SLC22A12: variants seen among roughly 807,000 people sequenced by gnomAD.
SLC22A12 encodes the protein solute carrier family 22 member 12, also known as organic anion transporter 4-like protein.
Under a neutral mutation model 52.7 loss-of-function variants are expected in SLC22A12, and 56 were observed. The observed-to-expected ratio is 1.06, with a 90% CI of 0.86 to 1.33. SLC22A12 has a LOEUF of 1.33. Among genes scored for constraint, SLC22A12 ranks in the 40% most tolerant of loss-of-function variants. The pLI, the probability that SLC22A12 is intolerant of heterozygous loss-of-function variation, is 0.00. For synonymous variants in SLC22A12, 337 were observed against 324.6 expected (o/e 1.04, Z -0.41); for missense variants, 683 against 741.5 (o/e 0.92, Z 0.92).
intron 4 of SLC22A12, among the ~76,000 whole-genome samples, chr11:64,595,177 A>G (rs1237298468): frequency 7.3e-6 from 1 of 136,100 alleles, no homozygotes; most frequent in Admixed American, 7.3e-5. Context: ...GGATGGATGG[A>G]TGGATGGATG....
At chr11:64,594,150 T>C (rs2039011228) in intron 4 of SLC22A12, among the ~76,000 whole-genome samples, 1 of 152,222 alleles carries the variant, frequency 6.6e-6, no homozygotes, top group Admixed American at 6.5e-5. Context: ...GAGCCCCTCC[T>C]CTGTGTGTGC....
Position 64,591,901 on chromosome 11 carries a change from G to T in SLC22A12, c.345G>T (p.Pro115=). The change falls in exon 1 of 10, where the codon CCG becomes CCT. Residue 115 remains proline, a synonymous_variant. Transcript: ENST00000377574. ...ATSWSEADTE[P]CVDGWVYDRS... ...GCTGGAGCGAGGCCGACACGGAGCCGTGTGTGGATGGCTGGGTCTATGACC... is the reference window on the plus strand; with the variant it reads ...GCTGGAGCGAGGCCGACACGGAGCCTTGTGTGGATGGCTGGGTCTATGACC... 6.2e-7 allele frequency: 1 copy of T among 1,612,618 alleles called. No homozygotes were observed. Among genetic ancestry groups the T allele is most frequent in the Non-Finnish European group, 8.5e-7 (1 of 1,180,018 alleles).
chr11:64,592,534 G>C (rs2038952479), intron 1 of SLC22A12, among the ~76,000 whole-genome samples: 1 of 152,170 alleles, frequency 6.6e-6, no homozygotes, highest in South Asian at 2.1e-4. Flanking sequence ...GATGTGGCTA[G>C]AGACCCATTG....
Position 64,600,734 on chromosome 11 carries a change from G to A in SLC22A12, c.1395-1G>A. 6.2e-7 allele frequency: 1 copy of A among 1,604,644 alleles called. No homozygotes were observed. Among genetic ancestry groups the A allele is most frequent in the Non-Finnish European group, 8.5e-7 (1 of 1,179,900 alleles). ...GCTTATAGGTGCATCTGCATTGGCA[G>A]GATGACGGCAGTGGGCTTGGGCCAG... On this transcript the variant is annotated splice_acceptor_variant, in intron 8 of 9. Coordinates refer to ENST00000377574, the MANE Select transcript of SLC22A12 (RefSeq NM_144585.4). LOFTEE classifies it high-confidence loss of function.
chr11:64,595,019 ATGGTTGGAATAG>A (rs2039071472), intron 4 of SLC22A12, among the ~76,000 whole-genome samples: 1 of 69,802 alleles, frequency 1.4e-5, no homozygotes, highest in Non-Finnish European at 3.6e-5. Flanking sequence ...GGATGGATGG[ATGGTTGGAATAG>A]ATGGATGGAT....
chr11:64,601,955 T>C lies in SLC22A12; in HGVS notation c.*404T>C. On this transcript the variant is annotated 3_prime_UTR_variant, in exon 10 of 10. Transcript: ENST00000377574. Reference sequence around the variant, plus strand: ...CTAACCACCATCCATGGTCAAGACCTCTCCTAGCTCCACACAAGCAGTAGA... The same window carrying C: ...CTAACCACCATCCATGGTCAAGACCCCTCCTAGCTCCACACAAGCAGTAGA... 1 of 322,652 alleles carries C rather than the reference T, an allele frequency of 3.1e-6. No homozygotes were observed. The allele number at this position is 322,652 out of a possible 1,614,324, so 20.0% of individuals were successfully genotyped here. A position where few individuals can be genotyped will look rare whatever the true frequency, so the allele number is the denominator to read the frequency against.
At position 64,600,179 on chromosome 11, in the gene SLC22A12, G is replaced by A. The variant is rs2022050; in HGVS notation, c.1286-188G>A. On this transcript the variant is annotated intron_variant, in intron 7 of 9. Transcript: ENST00000377574. ...AAGGACTCCTCGGGGCTGGCTCTGGGTGTCTGAGCGTGGAGCAGATTGTGG... is the reference window on the plus strand; with the variant it reads ...AAGGACTCCTCGGGGCTGGCTCTGGATGTCTGAGCGTGGAGCAGATTGTGG... Among the ~76,000 whole-genome samples, 18,353 of 152,274 alleles carry A rather than the reference G, an allele frequency of 0.12. 1,448 individuals carry two copies. Among genetic ancestry groups the A allele is most frequent in the Non-Finnish European group, 0.16 (11,005 of 68,002 alleles).
chr11:64,601,734 C>T lies in SLC22A12; in HGVS notation c.*183C>T, dbSNP rs2039460924. On this transcript the variant is annotated 3_prime_UTR_variant, in exon 10 of 10. Transcript: ENST00000377574. ...GCCCCTCTCACAGTCCAAGGGGCCC[C>T]CTTCAATACTGAAGGGGAAAAGGAC... The T allele has an allele frequency of 1.6e-6, 1 of 645,090 alleles. No individual in the cohort carries two copies. The highest frequency in any genetic ancestry group is 1.8e-5 in the African/African-American group (1 of 54,598). 40.0% of individuals were successfully genotyped at this position (645,090 alleles called of 1,614,324 possible).
intron 4 of SLC22A12, among the ~76,000 whole-genome samples, chr11:64,597,680 T>C (rs1405336212): frequency 1.3e-5 from 2 of 152,062 alleles, no homozygotes; most frequent in Non-Finnish European, 2.9e-5. Context: ...TGGCTGCTCA[T>C]AGGGGACAAC....
chr11:64,599,007 G>T lies in SLC22A12; in HGVS notation c.1070+84G>T, dbSNP rs556564311. ...TGGCACACGGCCCCGGCCTCTGCTG[G>T]CTCCGCTTGGTCCCACTGGCCTGCA... On this transcript the variant is annotated intron_variant, in intron 6 of 9. Coordinates refer to ENST00000377574, the MANE Select transcript of SLC22A12 (RefSeq NM_144585.4). 24 of 1,541,728 alleles carry T rather than the reference G, an allele frequency of 1.6e-5. No individual in the cohort carries two copies. The Admixed American group carries it at 3.4e-4, about 22-fold the overall frequency.
chr11:64,601,821 A>C lies in SLC22A12; in HGVS notation c.*270A>C. The C allele has an allele frequency of 2.2e-6, 1 of 458,678 alleles. No homozygotes were observed. The highest frequency in any genetic ancestry group is 4.0e-6 in the Non-Finnish European group (1 of 247,794). 28.4% of individuals were successfully genotyped at this position (458,678 alleles called of 1,614,324 possible). ...CCCTGCCCTGCCCTCGTGGCTTCGG[A>C]GAGCAGAGGGGTCAGGCCCAGGGGA... On this transcript the variant is annotated 3_prime_UTR_variant, in exon 10 of 10. Transcript: ENST00000377574.
Position 64,600,905 on chromosome 11 carries a change from C to T in SLC22A12, c.1565C>T (p.Pro522Leu), listed in dbSNP as rs750387152. The change falls in exon 9 of 10, where the codon CCG becomes CTG. Residue 522 changes from proline to leucine, a missense_variant. Physicochemically the swap from Pro to Leu is moderately conservative, Grantham distance 98. Coordinates refer to ENST00000377574, the MANE Select transcript of SLC22A12 (RefSeq NM_144585.4). The part of the protein sequence containing the change: ...ALLLPETQSL[P>L]LPDTIQDVQN... Reference sequence around the variant, plus strand: ...CTTCTGCCCGAGACCCAGAGCTTGCCGCTGCCCGACACCATCCAAGATGTG... The same window carrying T: ...CTTCTGCCCGAGACCCAGAGCTTGCTGCTGCCCGACACCATCCAAGATGTG... 16 of 1,609,424 alleles carry T rather than the reference C, an allele frequency of 9.9e-6. No homozygotes were observed. Among genetic ancestry groups the T allele is most frequent in the Admixed American group, 3.3e-5 (2 of 60,010 alleles).
At chr11:64,596,018 GA>G in intron 4 of SLC22A12, among the ~76,000 whole-genome samples, 1 of 149,074 alleles carries the variant, frequency 6.7e-6, no homozygotes, top group Non-Finnish European at 1.5e-5. Flanking sequence ...TGGATGGATG[GA>G]TGGAATGGAT....
chr11:64,597,089 A>T (rs1294455756), intron 4 of SLC22A12, among the ~76,000 whole-genome samples: 1 of 152,114 alleles, frequency 6.6e-6, no homozygotes. Context: ...TTGACGAACA[A>T]CCTGGGGTAT....
chr11:64,594,458 G>A (rs1278243195), intron 4 of SLC22A12, among the ~76,000 whole-genome samples: 3 of 151,914 alleles, frequency 2.0e-5, no homozygotes, highest in African/African-American at 7.3e-5. Context: ...TTGAATGGAT[G>A]AATTGTTAGG....
At chr11:64,598,404 G>T (rs1008096610) in intron 4 of SLC22A12, 112 bp from the exon 5 acceptor site, 2 of 1,478,424 alleles carry the variant, frequency 1.4e-6, no homozygotes, top group Non-Finnish European at 1.8e-6. Flanking sequence ...GTCCTCAGCC[G>T]CCCTAAGCCT....
chr11:64,598,770 G>C (rs368284669), intron 5 of SLC22A12, 38 bp from the exon 6 acceptor site: 1 of 1,610,774 alleles, frequency 6.2e-7, no homozygotes, highest in Non-Finnish European at 8.5e-7. Flanking sequence ...GGTGCCTGGC[G>C]CCCCCAGTGC....
chr11:64,594,975 ATGGATGGATGGG>A (rs1256148783), intron 4 of SLC22A12, among the ~76,000 whole-genome samples: 1,483 of 112,360 alleles, frequency 0.013, 388 homozygotes, highest in African/African-American at 0.068. Flanking sequence ...GAATAGATGG[ATGGATGGATGGG>A]TGGATGGATG....
At position 64,601,702 on chromosome 11, in the gene SLC22A12, G is replaced by A. The variant is rs2039459899; in HGVS notation, c.*151G>A. The A allele has an allele frequency of 2.0e-5, 16 of 819,466 alleles. 1 individual carries two copies. The highest frequency in any genetic ancestry group is 2.6e-5 in the Non-Finnish European group (13 of 494,646). The allele number at this position is 819,466 out of a possible 1,614,324, so 50.8% of individuals were successfully genotyped here. On this transcript the variant is annotated 3_prime_UTR_variant, in exon 10 of 10. Coordinates refer to ENST00000377574, the MANE Select transcript of SLC22A12 (RefSeq NM_144585.4). ...CTCCCCCAGGGCTGCCCCTCCAGGT[G>A]AGCCCTGCCCCTCTCACAGTCCAAG...
Sources: allele counts gnomAD v4.1 joint callset (sites outside exome capture counted in the v4.1 genomes callset), GRCh38; gene constraint gnomAD v4.1.1; transcripts MANE v1.5; gene names NCBI Gene and HGNC (gene_info 2026-07-23, HGNC 2026-07-21).